VPS13B: variants seen among roughly 807,000 people sequenced by gnomAD.
VPS13B encodes intermembrane lipid transfer protein VPS13B.
A neutral mutation model predicts 426.4 loss-of-function variants in VPS13B; 285 were observed. That is an observed-to-expected ratio of 0.67 (90% CI 0.61 to 0.74). The LOEUF is 0.74. VPS13B is among the 30% of genes least tolerant of loss of function. The pLI, the probability that VPS13B is intolerant of heterozygous loss-of-function variation, is 0.00. For missense variants in VPS13B, 4,537 were observed against 4,782.6 expected (o/e 0.95, Z 1.51); for synonymous variants, 1,676 against 1,676.4 (o/e 1.00, Z 0.01).
chr8:99,810,605 A>G (rs1813647174), intron 44 of VPS13B, among the ~76,000 whole-genome samples: 1 of 152,254 alleles, frequency 6.6e-6, no homozygotes, highest in Non-Finnish European at 1.5e-5. Context: ...GAAAAGAAGC[A>G]TGGAAGACTC....
intron 21 of VPS13B, among the ~76,000 whole-genome samples, chr8:99,398,386 A>G (rs1814855026): frequency 6.6e-6 from 1 of 152,248 alleles, no homozygotes; most frequent in African/African-American, 2.4e-5. Context: ...AGTTGCAAGA[A>G]GAAGGTGCAT....
intron 24 of VPS13B, among the ~76,000 whole-genome samples, chr8:99,468,919 G>A (rs559305169): frequency 2.2e-4 from 33 of 151,982 alleles, no homozygotes; most frequent in South Asian, 1.0e-3. Flanking sequence ...TTTATAGAGC[G>A]TCTTTTTTGA....
At chr8:99,858,007 G>C (rs1216572359) in intron 56 of VPS13B, among the ~76,000 whole-genome samples, 1 of 152,180 alleles carries the variant, frequency 6.6e-6, no homozygotes, top group East Asian at 1.9e-4. Context: ...TCGGGACCTT[G>C]GCGTGGCTGT....
At position 99,633,692 on chromosome 8, in the gene VPS13B, T is replaced by C. The variant is rs538672440; in HGVS notation, c.5221-8119T>C. ...ATCAGTCTGAAGAGTAGTTACCCTG[T>C]ACACACAGTAGCCACTTTGTAAGAA... is the stretch of plus-strand genomic sequence containing the variant. On this transcript the variant is annotated intron_variant, in intron 33 of 61. Coordinates refer to ENST00000357162, the MANE Select transcript of VPS13B (RefSeq NM_152564.5). 5.3e-5 allele frequency among the ~76,000 whole-genome samples: 8 copies of C among 152,180 alleles called. No homozygotes were observed. The South Asian group carries it at 1.7e-3, about 32-fold the overall frequency.
At chr8:99,417,497 A>G (rs1816087660) in intron 21 of VPS13B, among the ~76,000 whole-genome samples, 1 of 152,172 alleles carries the variant, frequency 6.6e-6, no homozygotes, top group Non-Finnish European at 1.5e-5. Context: ...TAAACATCTC[A>G]TGATATGCTA....
At chr8:99,409,694 A>G (rs1372908937) in intron 21 of VPS13B, among the ~76,000 whole-genome samples, 1 of 152,184 alleles carries the variant, frequency 6.6e-6, no homozygotes, top group Non-Finnish European at 1.5e-5. Flanking sequence ...AAACAATTAA[A>G]TGCAGATCAA....
chr8:99,744,917 A>C (rs1264100220), intron 39 of VPS13B, among the ~76,000 whole-genome samples: 1 of 152,092 alleles, frequency 6.6e-6, no homozygotes, highest in Non-Finnish European at 1.5e-5. Flanking sequence ...ACATGTATAC[A>C]TATGTAACTA....
At position 99,871,474 on chromosome 8, in the gene VPS13B, C is replaced by A. The variant is rs752395430; in HGVS notation, c.11522C>A (p.Pro3841Gln). The change falls in exon 61 of 62, where the codon CCA becomes CAA. Residue 3841 changes from proline to glutamine, a missense_variant. Coordinates refer to ENST00000357162, the MANE Select transcript of VPS13B (RefSeq NM_152564.5). ...VWKMLQSLGRPEVHMALDVVL... is the reference protein window; with the variant it reads ...VWKMLQSLGRQEVHMALDVVL... The stretch of plus-strand genomic sequence containing the variant: ...AAAATGCTTCAGTCTCTGGGCAGAC[C>A]AGAAGTCCACATGGCCCTGGACGTG... 1.2e-6 allele frequency: 2 copies of A among 1,614,170 alleles called. No individual in the cohort carries two copies. Among genetic ancestry groups the A allele is most frequent in the Admixed American group, 3.3e-5 (2 of 60,030 alleles).
chr8:99,054,081 G>A (rs913499068), intron 3 of VPS13B, among the ~76,000 whole-genome samples: 2 of 152,210 alleles, frequency 1.3e-5, no homozygotes, highest in Admixed American at 1.3e-4. Flanking sequence ...ATTCACCGAT[G>A]GACACTTGGG....
In VPS13B at chr8:99,507,759, A is replaced by G. The variant is rs1554824890; in HGVS notation, c.4224+556A>G. 9 of 1,613,852 alleles carry G rather than the reference A, an allele frequency of 5.6e-6. No individual in the cohort carries two copies. The East Asian group carries it at 2.0e-4, about 36-fold the overall frequency. Reference sequence around the variant, plus strand: ...CTTTTCACCTTCTTTGCTCCTGTCCATCACTTCAAGCCTTGGGGAAGAGTG... The same window carrying G: ...CTTTTCACCTTCTTTGCTCCTGTCCGTCACTTCAAGCCTTGGGGAAGAGTG... On this transcript the variant is annotated intron_variant, in intron 28 of 61. Coordinates refer to ENST00000357162, the MANE Select transcript of VPS13B (RefSeq NM_152564.5).
intron 3 of VPS13B, among the ~76,000 whole-genome samples, chr8:99,059,180 A>G (rs959712276): frequency 2.0e-5 from 3 of 152,220 alleles, no homozygotes; most frequent in African/African-American, 7.2e-5. Flanking sequence ...TCTGTTGCCC[A>G]GCCTGGAGTG....
At chr8:99,534,409 C>T (rs1823086046) in intron 30 of VPS13B, among the ~76,000 whole-genome samples, 1 of 152,118 alleles carries the variant, frequency 6.6e-6, no homozygotes, top group African/African-American at 2.4e-5. Context: ...TCTAGAAATT[C>T]ATGTTAGAAG....
At chr8:99,170,760 G>A (rs1812285440) in intron 16 of VPS13B, among the ~76,000 whole-genome samples, 1 of 151,368 alleles carries the variant, frequency 6.6e-6, no homozygotes. Context: ...TTAGTTTAAA[G>A]GAATGCTTTT....
chr8:99,045,505 C>G (rs1298749590), intron 3 of VPS13B, among the ~76,000 whole-genome samples: 2 of 152,074 alleles, frequency 1.3e-5, no homozygotes, highest in Non-Finnish European at 2.9e-5. Flanking sequence ...TGTGGATTGT[C>G]TGTTTACTCT....
In VPS13B at chr8:99,442,495, G is replaced by A. The variant is rs778498211; in HGVS notation, c.3305G>A (p.Ser1102Asn). 23 of 1,613,824 alleles carry A rather than the reference G, an allele frequency of 1.4e-5. No individual in the cohort carries two copies. In the East Asian group the frequency reaches 1.6e-4, roughly 11 times the overall value. ...VSGDIPGTVR[S>N]WYHGQTSMPG... ...GGTGACATTCCTGGAACAGTAAGAAGTTGGTACCATGGACAAACCAGCATG... is the reference window on the plus strand; with the variant it reads ...GGTGACATTCCTGGAACAGTAAGAAATTGGTACCATGGACAAACCAGCATG... Residue 1102 changes from serine (S) to asparagine (N), a missense_variant, in exon 23 of 62, where the codon AGT becomes AAT. Ser to Asn is a conservative substitution (Grantham distance 46). This residue lies in a region of VPS13B where 4,311 missense variants were observed against 4,474.3 expected (regional missense o/e 0.96). Transcript: ENST00000357162.
At chr8:99,646,880 C>T (rs1276724617) in intron 34 of VPS13B, among the ~76,000 whole-genome samples, 2 of 152,142 alleles carry the variant, frequency 1.3e-5, no homozygotes, top group East Asian at 3.9e-4. Context: ...GTGATCATAG[C>T]TTCCTGAGAC....
In VPS13B at chr8:99,642,190, T is replaced by C. The variant is rs1388913978; in HGVS notation, c.5600T>C (p.Ile1867Thr). The change falls in exon 34 of 62, where the codon ATT becomes ACT. Residue 1867 changes from isoleucine (I) to threonine (T), a missense_variant. Ile to Thr is a moderately conservative substitution (Grantham distance 89, BLOSUM62 -1). Coordinates refer to ENST00000357162, the MANE Select transcript of VPS13B (RefSeq NM_152564.5). ...SDVAKPNQAC[I>T]STVTAEDLLR... ...GTTGCTAAGCCCAACCAGGCATGTATTTCCACGGTGACAGCAGAAGATCTC... is the reference window on the plus strand; with the variant it reads ...GTTGCTAAGCCCAACCAGGCATGTACTTCCACGGTGACAGCAGAAGATCTC... 8.1e-6 allele frequency: 13 copies of C among 1,614,040 alleles called. No individual in the cohort carries two copies. The highest frequency in any genetic ancestry group is 1.1e-5 in the Non-Finnish European group (13 of 1,180,032).
intron 43 of VPS13B, among the ~76,000 whole-genome samples, chr8:99,787,109 T>C (rs1230623999): frequency 6.6e-6 from 1 of 152,170 alleles, no homozygotes; most frequent in African/African-American, 2.4e-5. Flanking sequence ...AGTCAATTCA[T>C]AGTCTCAGGG....
intron 31 of VPS13B, among the ~76,000 whole-genome samples, chr8:99,560,294 A>G (rs2133773799): frequency 6.6e-6 from 1 of 152,274 alleles, no homozygotes; most frequent in Admixed American, 6.5e-5. Context: ...TTATCAGCTT[A>G]AGGAGATTTT....
Sources: allele counts gnomAD v4.1 joint callset (sites outside exome capture counted in the v4.1 genomes callset), GRCh38; gene constraint gnomAD v4.1.1; regional missense constraint gnomAD v4.1.1; transcripts MANE v1.5; gene names NCBI Gene and HGNC (gene_info 2026-07-23, HGNC 2026-07-21).